Variants in ELF5 observed in about 807,000 individuals in gnomAD.
ELF5 encodes the protein ETS-related transcription factor Elf-5.
A neutral mutation model predicts 38.2 loss-of-function variants in ELF5; 31 were observed. That is an observed-to-expected ratio of 0.81 (90% CI 0.61 to 1.10). The LOEUF is 1.10. Ranked by LOEUF, ELF5 falls within the 50% of genes least tolerant of loss-of-function variation. The pLI, the probability that ELF5 is intolerant of heterozygous loss-of-function variation, is 0.00. For synonymous variants in ELF5, 121 were observed against 112.5 expected, an observed-to-expected ratio of 1.08 and a Z score of -0.48; for missense variants, 300 against 306.6, an observed-to-expected ratio of 0.98 and a Z score of 0.16.
At position 34,480,813 on chromosome 11, in the gene ELF5, T is replaced by A; in HGVS notation, c.630A>T (p.Lys210Asn). The A allele has an allele frequency of 6.2e-7, 1 of 1,614,130 alleles. No homozygotes were observed. Among genetic ancestry groups the A allele is most frequent in the Non-Finnish European group, 8.5e-7 (1 of 1,180,022 alleles). The change falls in exon 6 of 7, where the codon AAA becomes AAT. Residue 210 changes from lysine (K) to asparagine (N), a missense_variant. Coordinates refer to ENST00000257832, the MANE Select transcript of ELF5 (RefSeq NM_001422.4). Reference protein sequence around the residue: ...ALAKMWGQRKKNDRMTYEKLS... With the variant: ...ALAKMWGQRKNNDRMTYEKLS... ...ACTTTTCATATGTCATTCTGTCATTTTTCTTCCTTTGTCCCCACATCTTTG... is the reference window on the plus strand; with the variant it reads ...ACTTTTCATATGTCATTCTGTCATTATTCTTCCTTTGTCCCCACATCTTTG...
At position 34,493,467 on chromosome 11, in the gene ELF5, C is replaced by A. The variant is rs745855755; in HGVS notation, c.355+12G>T. The A allele has an allele frequency of 2.2e-5, 35 of 1,611,388 alleles. No individual in the cohort carries two copies. In the South Asian group the frequency reaches 3.8e-4, roughly 17 times the overall value. On this transcript the variant is annotated intron_variant, in intron 3 of 6. Coordinates refer to ENST00000257832, the MANE Select transcript of ELF5 (RefSeq NM_001422.4). ...GTCCCTCCCCTGGAGGTCTGGCCCTCTGAACACTGACCTTGTGTGCGGATG... is the reference window on the plus strand; with the variant it reads ...GTCCCTCCCCTGGAGGTCTGGCCCTATGAACACTGACCTTGTGTGCGGATG...
chr11:34,488,816 C>T (rs186641763), intron 4 of ELF5, among the ~76,000 whole-genome samples: 1 of 152,326 alleles, frequency 6.6e-6, no homozygotes, highest in Admixed American at 6.5e-5. Flanking sequence ...AAATGCCTGC[C>T]TGTGGCTCAA....
At chr11:34,511,688 C>A in intron 1 of ELF5, 1 of 1,250,062 alleles carries the variant, frequency 8.0e-7, no homozygotes, top group South Asian at 1.3e-5. Context: ...GTGGGCTTCT[C>A]AGTGTCACAC....
At chr11:34,489,077 G>A (rs191595360) in intron 4 of ELF5, among the ~76,000 whole-genome samples, 8 of 152,354 alleles carry the variant, frequency 5.3e-5, no homozygotes, top group East Asian at 3.9e-4. Flanking sequence ...GGGCAGCTGC[G>A]GTCTGCAGAG....
At chr11:34,505,786 G>C in intron 1 of ELF5, 33 bp from the exon 2 acceptor site, 1 of 1,606,636 alleles carries the variant, frequency 6.2e-7, no homozygotes, top group Non-Finnish European at 8.5e-7. Flanking sequence ...GAGGAGGCTG[G>C]GGTGAGGTAC....
intron 4 of ELF5, among the ~76,000 whole-genome samples, chr11:34,488,799 G>A (rs1850079116): frequency 6.6e-6 from 1 of 152,204 alleles, no homozygotes; most frequent in South Asian, 2.1e-4. Flanking sequence ...TACTTAGAGA[G>A]TAAAGCAAAT....
chr11:34,507,952 G>A (rs1241150103), intron 1 of ELF5, among the ~76,000 whole-genome samples: 3 of 151,872 alleles, frequency 2.0e-5, no homozygotes, highest in African/African-American at 4.8e-5. Flanking sequence ...CATATACTAC[G>A]AGCACTATTA....
chr11:34,504,669 C>G (rs1850561240), intron 2 of ELF5, among the ~76,000 whole-genome samples: 1 of 152,230 alleles, frequency 6.6e-6, no homozygotes, highest in Non-Finnish European at 1.5e-5. Context: ...TGCATGACCG[C>G]TGAGCAGCGT....
At chr11:34,496,243 A>G (rs925160471) in intron 2 of ELF5, among the ~76,000 whole-genome samples, 13 of 152,068 alleles carry the variant, frequency 8.5e-5, no homozygotes, top group African/African-American at 2.7e-4. Flanking sequence ...TTTGAAGCTC[A>G]CCCACAGAGC....
At chr11:34,495,173 C>T (rs376577987) in intron 2 of ELF5, among the ~76,000 whole-genome samples, 1 of 152,132 alleles carries the variant, frequency 6.6e-6, no homozygotes, top group Admixed American at 6.5e-5. Flanking sequence ...AGAGATGGAA[C>T]GTGAAGAGTG....
In ELF5 at chr11:34,480,329, A is replaced by T. The variant is rs746078685; in HGVS notation, c.672-15T>A. 1 of 1,604,168 alleles carries T rather than the reference A, an allele frequency of 6.2e-7. No individual in the cohort carries two copies. The highest frequency in any genetic ancestry group is 1.1e-5 in the South Asian group (1 of 90,844). On this transcript the variant is annotated splice_polypyrimidine_tract_variant and intron_variant, in intron 6 of 6. Transcript: ENST00000257832. ...TATAGTAGTATCTGAAAAAGCAAGC[A>T]GAAGAGAAATTCTGGGAGAGCTTGC...
chr11:34,484,373 T>C (rs1242702721), intron 4 of ELF5, among the ~76,000 whole-genome samples: 1 of 151,684 alleles, frequency 6.6e-6, no homozygotes, highest in Non-Finnish European at 1.5e-5. Context: ...CTGCACTAAC[T>C]ATACTCTACT....
chr11:34,496,655 C>A (rs1850329095), intron 2 of ELF5, among the ~76,000 whole-genome samples: 1 of 152,160 alleles, frequency 6.6e-6, no homozygotes, highest in Non-Finnish European at 1.5e-5. Flanking sequence ...GCGTCCTCCT[C>A]ATCCCTCCCC....
At chr11:34,482,937 CTAA>C (rs1856974780) in intron 4 of ELF5, among the ~76,000 whole-genome samples, 1 of 152,072 alleles carries the variant, frequency 6.6e-6, no homozygotes, top group East Asian at 1.9e-4. Flanking sequence ...GCTGATTTAA[CTAA>C]TAACTCAGGC....
intron 2 of ELF5, among the ~76,000 whole-genome samples, chr11:34,504,709 G>C (rs1008849082): frequency 1.3e-5 from 2 of 152,222 alleles, no homozygotes; most frequent in Non-Finnish European, 2.9e-5. Context: ...AGTCAGCCAG[G>C]TGTGCTGTGA....
chr11:34,486,947 T>A (rs563784928), intron 4 of ELF5, among the ~76,000 whole-genome samples: 2 of 152,316 alleles, frequency 1.3e-5, no homozygotes, highest in East Asian at 3.9e-4. Context: ...GCCTCTCATT[T>A]TTGGGTCAGG....
chr11:34,513,597 C>G (rs1043349585), intron 1 of ELF5, 80 bp downstream of exon 1: 4 of 152,446 alleles, frequency 2.6e-5, no homozygotes, highest in African/African-American at 4.8e-5. Flanking sequence ...GATGGACGAG[C>G]AGACCCAGGC....
At chr11:34,493,229 C>A in intron 3 of ELF5, 1 of 599,116 alleles carries the variant, frequency 1.7e-6, no homozygotes, top group Non-Finnish European at 3.0e-6. Flanking sequence ...TGGGCAGTCC[C>A]TGAACGTGGT....
chr11:34,484,255 A>G (rs901907199), intron 4 of ELF5, among the ~76,000 whole-genome samples: 4 of 79,516 alleles, frequency 5.0e-5, no homozygotes, highest in Non-Finnish European at 1.7e-4. Flanking sequence ...ACTGTAGCAT[A>G]CTATACTAAT....
Sources: gnomAD v4.1 joint callset for allele counts (sites outside exome capture counted in the v4.1 genomes callset) on GRCh38, gnomAD v4.1.1 for gene constraint, MANE v1.5 for transcripts, NCBI Gene and HGNC (gene_info 2026-07-23, HGNC 2026-07-21) for gene names.